Variants in LINGO2 observed in about 807,000 individuals in gnomAD.
LINGO2 encodes leucine rich repeat and Ig domain containing 2.
In LINGO2, 14 loss-of-function variants were observed where a neutral mutation model predicts 30.6. The ratio of observed to expected loss-of-function variants is 0.46; its 90% CI spans 0.30 to 0.72. LINGO2 has a LOEUF of 0.72. Ranked by LOEUF, LINGO2 falls within the 30% of genes least tolerant of loss-of-function variation. LINGO2 has a pLI of 0.07. For synonymous variants in LINGO2, 317 were observed against 288.5 expected (o/e 1.10, Z -1.00); for missense variants, 729 against 751.7 (o/e 0.97, Z 0.35).
upstream of LINGO2, among the ~76,000 whole-genome samples, chr9:28,670,485 T>G (rs1828967996): frequency 6.6e-6 from 1 of 152,144 alleles, no homozygotes. Context: ...GGTACTAAAA[T>G]AGACCCTAGA....
intron 2 of LINGO2, among the ~76,000 whole-genome samples, chr9:28,453,755 G>A (rs147083911): frequency 2.6e-4 from 39 of 151,848 alleles, no homozygotes; most frequent in African/African-American, 8.9e-4. Flanking sequence ...GATCTTTTTG[G>A]AACTCCTCCT....
At chr9:28,632,824 ATATAT>A (rs1340388500) in intron 1 of LINGO2, among the ~76,000 whole-genome samples, 2 of 127,308 alleles carry the variant, frequency 1.6e-5, no homozygotes, top group Admixed American at 1.7e-4. Flanking sequence ...TATATATATT[ATATAT>A]TATATATATA....
the LINGO2 span, among the ~76,000 whole-genome samples, chr9:28,769,496 ATATATATATATATATATATATAT>A: frequency 2.3e-4 from 5 of 21,698 alleles, 1 homozygote; most frequent in Non-Finnish European, 3.5e-4. Flanking sequence ...ATATATATAT[ATATATATATATATATATATATAT>A]TTTTTTTTTT....
chr9:28,703,197 A>G, the LINGO2 span, among the ~76,000 whole-genome samples: 1 of 151,588 alleles, frequency 6.6e-6, no homozygotes, highest in East Asian at 1.9e-4. Flanking sequence ...TAACGTTCTA[A>G]GGTGAAAACT....
At chr9:28,650,442 A>G (rs1052798679) in intron 1 of LINGO2, among the ~76,000 whole-genome samples, 5 of 151,968 alleles carry the variant, frequency 3.3e-5, no homozygotes, top group African/African-American at 1.2e-4. Context: ...TCCAGTGCTT[A>G]TGGATGGTGC....
chr9:28,795,540 C>A, the LINGO2 span, among the ~76,000 whole-genome samples: 1 of 151,656 alleles, frequency 6.6e-6, no homozygotes, highest in African/African-American at 2.4e-5. Context: ...TAGTCTATTT[C>A]TTTATATATG....
chr9:28,373,909 A>G (rs1352261551), intron 2 of LINGO2, among the ~76,000 whole-genome samples: 1 of 151,842 alleles, frequency 6.6e-6, no homozygotes, highest in African/African-American at 2.4e-5. Context: ...TCAAAAAAAA[A>G]AAAAAAAAGA....
rs76552904 is a variant in LINGO2, at chr9:28,314,457, T to C, written c.-245-19091A>G. On this transcript the variant is annotated intron_variant, in intron 3 of 5. Transcript: ENST00000379992. ...TACTCTAACACCTTCCTTCCACCTGTCTCCTGTTCCTTCTTCAAGAAATAA... is the reference window on the plus strand; with the variant it reads ...TACTCTAACACCTTCCTTCCACCTGCCTCCTGTTCCTTCTTCAAGAAATAA... 7.5e-3 allele frequency among the ~76,000 whole-genome samples: 1,148 copies of C among 152,222 alleles called. 10 individuals are homozygous for C. Among genetic ancestry groups the C allele is most frequent in the Non-Finnish European group, 0.011 (729 of 67,984 alleles).
chr9:28,401,371 G>T (rs1822258182), intron 2 of LINGO2, among the ~76,000 whole-genome samples: 1 of 151,968 alleles, frequency 6.6e-6, no homozygotes. Flanking sequence ...CCACTTATGA[G>T]TGAGAACATG....
chr9:28,811,856 C>A, the LINGO2 span, among the ~76,000 whole-genome samples: 4 of 152,014 alleles, frequency 2.6e-5, no homozygotes, highest in Non-Finnish European at 4.4e-5. Context: ...TCATTCTTAT[C>A]TGTATGTCTT....
the LINGO2 span, among the ~76,000 whole-genome samples, chr9:29,154,136 G>A: frequency 6.6e-6 from 1 of 152,004 alleles, no homozygotes; most frequent in Non-Finnish European, 1.5e-5. Context: ...TCACCTTTAA[G>A]AAACTGCTCT....
chr9:28,837,673 T>G, the LINGO2 span, among the ~76,000 whole-genome samples: 1 of 126,628 alleles, frequency 7.9e-6, no homozygotes. Flanking sequence ...TATATATATA[T>G]ATATATATTT....
intron 5 of LINGO2, among the ~76,000 whole-genome samples, chr9:28,011,360 G>T (rs1204750830): frequency 1.3e-5 from 2 of 152,184 alleles, no homozygotes; most frequent in African/African-American, 4.8e-5. Context: ...ATCAAATACT[G>T]TGTACATCAT....
the LINGO2 span, among the ~76,000 whole-genome samples, chr9:29,082,021 T>A: frequency 3.9e-5 from 6 of 152,076 alleles, no homozygotes; most frequent in Non-Finnish European, 7.4e-5. Context: ...ATTTACAGAT[T>A]CAATGCCATC....
intron 4 of LINGO2, among the ~76,000 whole-genome samples, chr9:28,177,458 C>T (rs910086997): frequency 8.5e-5 from 13 of 152,182 alleles, no homozygotes; most frequent in African/African-American, 3.1e-4. Flanking sequence ...TTCATAGATA[C>T]ATGTGCAAAT....
intron 1 of LINGO2, among the ~76,000 whole-genome samples, chr9:28,556,297 G>C (rs1222496675): frequency 2.0e-5 from 3 of 152,162 alleles, no homozygotes; most frequent in African/African-American, 7.2e-5. Flanking sequence ...CTTCAGCAAA[G>C]TCTCAGGATA....
chr9:28,207,064 A>G (rs10812757), intron 4 of LINGO2, among the ~76,000 whole-genome samples: 20,860 of 152,140 alleles, frequency 0.14, 1,560 homozygotes, highest in East Asian at 0.23. Context: ...TTACACCTTC[A>G]CAAGTTAAAT....
the LINGO2 span, among the ~76,000 whole-genome samples, chr9:28,690,078 C>T: frequency 2.0e-5 from 3 of 151,936 alleles, no homozygotes; most frequent in Non-Finnish European, 4.4e-5. Flanking sequence ...TCGGAGGGTG[C>T]GGGGTGGGAG....
intron 2 of LINGO2, among the ~76,000 whole-genome samples, chr9:28,416,372 C>T (rs1472755350): frequency 6.6e-6 from 1 of 152,104 alleles, no homozygotes; most frequent in African/African-American, 2.4e-5. Flanking sequence ...CTTTGTGATT[C>T]TTGAATTTAA....
Sources: allele counts gnomAD v4.1 joint callset (sites outside exome capture counted in the v4.1 genomes callset), GRCh38; gene constraint gnomAD v4.1.1; transcripts MANE v1.5; gene names NCBI Gene and HGNC (gene_info 2026-07-23, HGNC 2026-07-21).